The following SNTG1 variants were observed in gnomAD, a reference collection of about 807,000 sequenced individuals.
SNTG1 encodes syntrophin gamma 1, also known as gamma-1-syntrophin.
SNTG1 carries 39 observed loss-of-function variants against 74.7 expected under a neutral mutation model. That is an observed-to-expected ratio of 0.52 (90% CI 0.40 to 0.68). SNTG1 has a LOEUF of 0.68. Among genes scored for constraint, SNTG1 ranks in the 30% least tolerant of loss-of-function variants. SNTG1 has a pLI of 0.00. For missense variants in SNTG1, 685 were observed against 609.5 expected (o/e 1.12, Z -1.30); for synonymous variants, 254 against 217.1 (o/e 1.17, Z -1.49).
intron 3 of SNTG1, among the ~76,000 whole-genome samples, chr8:50,395,053 C>T (rs779115853): frequency 9.9e-5 from 15 of 152,064 alleles, no homozygotes; most frequent in Non-Finnish European, 2.2e-4. Flanking sequence ...GGAAAGACTT[C>T]AGTTCTTAAC....
chr8:50,625,973 A>AT (rs1454731367), intron 13 of SNTG1, among the ~76,000 whole-genome samples: 1 of 152,144 alleles, frequency 6.6e-6, no homozygotes, highest in Non-Finnish European at 1.5e-5. Context: ...ATGGTGGTGG[A>AT]TTTTTTTACA....
At chr8:50,064,438 A>T (rs1820736597) in intron 1 of SNTG1, among the ~76,000 whole-genome samples, 1 of 152,072 alleles carries the variant, frequency 6.6e-6, no homozygotes, top group South Asian at 2.1e-4. Flanking sequence ...TCCTACATAG[A>T]TTTGTACATT....
intron 1 of SNTG1, among the ~76,000 whole-genome samples, chr8:50,047,332 G>C: frequency 6.6e-6 from 1 of 150,772 alleles, no homozygotes; most frequent in African/African-American, 2.4e-5. Context: ...CAGAGATGCT[G>C]CCAAAAAAAA....
chr8:50,092,113 G>T (rs2131166809), intron 1 of SNTG1, among the ~76,000 whole-genome samples: 1 of 152,210 alleles, frequency 6.6e-6, no homozygotes, highest in East Asian at 1.9e-4. Flanking sequence ...CTTGCATCAG[G>T]TTTGCTGTTT....
At chr8:50,412,526 G>A (rs2131403686) in intron 4 of SNTG1, among the ~76,000 whole-genome samples, 1 of 152,110 alleles carries the variant, frequency 6.6e-6, no homozygotes, top group Non-Finnish European at 1.5e-5. Context: ...AAGAGAATAT[G>A]GTCTCTGGCA....
chr8:50,461,172 TG>T (rs2093558210), intron 8 of SNTG1, among the ~76,000 whole-genome samples: 1 of 150,016 alleles, frequency 6.7e-6, no homozygotes, highest in Non-Finnish European at 1.5e-5. Context: ...TGTGTGTGTG[TG>T]TGTGTGTGTG....
intron 13 of SNTG1, among the ~76,000 whole-genome samples, chr8:50,646,681 G>A (rs867801062): frequency 6.6e-6 from 1 of 152,094 alleles, no homozygotes; most frequent in African/African-American, 2.4e-5. Context: ...ATGTAGAAAT[G>A]TAATTATTAT....
chr8:50,422,577 T>A (rs577310100), intron 4 of SNTG1, among the ~76,000 whole-genome samples: 1 of 148,908 alleles, frequency 6.7e-6, no homozygotes, highest in East Asian at 2.0e-4. Flanking sequence ...AATCAATCTC[T>A]CCAAAAGCTC....
chr8:49,973,089 C>T (rs1334200594), intron 1 of SNTG1, among the ~76,000 whole-genome samples: 2 of 152,036 alleles, frequency 1.3e-5, no homozygotes, highest in Non-Finnish European at 2.9e-5. Context: ...GCACTATTCA[C>T]AATAGCAAAG....
intron 4 of SNTG1, among the ~76,000 whole-genome samples, chr8:50,404,547 T>C (rs947262777): frequency 6.6e-6 from 1 of 152,094 alleles, no homozygotes; most frequent in Non-Finnish European, 1.5e-5. Flanking sequence ...AATGTAATGC[T>C]GTAATAAATT....
chr8:49,969,157 T>A (rs374139954), intron 1 of SNTG1, among the ~76,000 whole-genome samples: 1 of 152,254 alleles, frequency 6.6e-6, no homozygotes, highest in African/African-American at 2.4e-5. Context: ...ATCTTCTGCA[T>A]TGATTATTTT....
At chr8:50,709,001 G>C (rs1194865354) in intron 17 of SNTG1, 23 bp downstream of exon 17, 2 of 1,531,490 alleles carry the variant, frequency 1.3e-6, no homozygotes, top group Non-Finnish European at 1.8e-6. Context: ...GGTCAGCTCT[G>C]AGAAATATGC....
At chr8:49,961,300 G>C (rs67856006) in intron 1 of SNTG1, among the ~76,000 whole-genome samples, 16,610 of 152,196 alleles carry the variant, frequency 0.11, 1,102 homozygotes, top group South Asian at 0.22. Flanking sequence ...ATGTTGATAA[G>C]AATGTGGCAC....
intron 2 of SNTG1, among the ~76,000 whole-genome samples, chr8:50,359,777 G>C (rs757131943): frequency 2.0e-5 from 3 of 152,124 alleles, no homozygotes; most frequent in Non-Finnish European, 4.4e-5. Flanking sequence ...TAAGGATAAA[G>C]ATTAATACTA....
intron 8 of SNTG1, among the ~76,000 whole-genome samples, chr8:50,499,814 T>C (rs1183952671): frequency 6.6e-6 from 1 of 152,056 alleles, no homozygotes; most frequent in Non-Finnish European, 1.5e-5. Context: ...ATTACACCAG[T>C]TGATCTTCTA....
At chr8:50,073,100 A>G (rs1277339320) in intron 1 of SNTG1, among the ~76,000 whole-genome samples, 1 of 152,174 alleles carries the variant, frequency 6.6e-6, no homozygotes, top group Non-Finnish European at 1.5e-5. Flanking sequence ...TGTTCCTTTC[A>G]TGAAAGATTA....
At chr8:50,631,730 T>C (rs1585900953) in intron 13 of SNTG1, among the ~76,000 whole-genome samples, 1 of 152,314 alleles carries the variant, frequency 6.6e-6, no homozygotes, top group South Asian at 2.1e-4. Flanking sequence ...TCATCCTCCT[T>C]GATACATAAA....
intron 12 of SNTG1, among the ~76,000 whole-genome samples, chr8:50,588,154 A>C (rs1396055206): frequency 6.6e-6 from 1 of 152,028 alleles, no homozygotes; most frequent in Non-Finnish European, 1.5e-5. Flanking sequence ...GAAATGTTCT[A>C]ATTAGACCTA....
chr8:50,371,941 C>A (rs1597432), intron 2 of SNTG1, among the ~76,000 whole-genome samples: 1 of 151,872 alleles, frequency 6.6e-6, no homozygotes, highest in Non-Finnish European at 1.5e-5. Flanking sequence ...CTCCTGTAGA[C>A]GGCATGTAGT....
Sources: allele counts gnomAD v4.1 joint callset (sites outside exome capture counted in the v4.1 genomes callset), GRCh38; gene constraint gnomAD v4.1.1; transcripts MANE v1.5; gene names NCBI Gene and HGNC (gene_info 2026-07-23, HGNC 2026-07-21).